The following GRIP1 variants were observed in gnomAD, a reference collection of about 807,000 sequenced individuals.
GRIP1 encodes glutamate receptor-interacting protein 1.
Under a neutral mutation model 129.9 loss-of-function variants are expected in GRIP1, and 45 were observed. The ratio of observed to expected loss-of-function variants is 0.35; its 90% CI spans 0.27 to 0.44. The LOEUF (loss-of-function observed/expected upper bound fraction) is 0.44, where lower values mean the gene tolerates loss of function less well. GRIP1 is among the 20% of genes least tolerant of loss of function. The pLI, the probability that GRIP1 is intolerant of heterozygous loss-of-function variation, is 1.00. For synonymous variants in GRIP1, 530 were observed against 520.8 expected (o/e 1.02, Z -0.24); for missense variants, 1,196 against 1,396.8 (o/e 0.86, Z 2.29).
intron 5 of GRIP1, among the ~76,000 whole-genome samples, chr12:66,527,940 A>T (rs1254839365): frequency 6.6e-6 from 1 of 151,948 alleles, no homozygotes; most frequent in Non-Finnish European, 1.5e-5. Flanking sequence ...CATGTAACAA[A>T]CCTGAACATG....
At chr12:66,528,189 C>A (rs1296334406) in intron 5 of GRIP1, among the ~76,000 whole-genome samples, 17 of 140,844 alleles carry the variant, frequency 1.2e-4, no homozygotes, top group African/African-American at 4.4e-4. Context: ...GGCTGGAGTG[C>A]AGTGGCACGA....
At chr12:66,469,424 G>T (rs1322765281) in intron 7 of GRIP1, among the ~76,000 whole-genome samples, 1 of 152,166 alleles carries the variant, frequency 6.6e-6, no homozygotes, top group African/African-American at 2.4e-5. Flanking sequence ...AGTGATTCTT[G>T]ATAACTATGT....
At chr12:66,507,988 G>T (rs2138847534) in intron 7 of GRIP1, among the ~76,000 whole-genome samples, 1 of 152,266 alleles carries the variant, frequency 6.6e-6, no homozygotes, top group South Asian at 2.1e-4. Flanking sequence ...AGTATCCTTG[G>T]TTTTGCATGC....
intron 1 of GRIP1, among the ~76,000 whole-genome samples, chr12:66,761,494 A>T (rs1199282504): frequency 6.6e-6 from 1 of 152,100 alleles, no homozygotes; most frequent in Admixed American, 6.5e-5. Context: ...TCCAGATCCC[A>T]CAAAGTCTCA....
intron 16 of GRIP1, among the ~76,000 whole-genome samples, chr12:66,399,373 C>T (rs1325168635): frequency 6.6e-6 from 1 of 151,866 alleles, no homozygotes; most frequent in African/African-American, 2.4e-5. Context: ...CTCCTAGATA[C>T]ACTCTCCTTG....
chr12:66,958,871 G>A (rs571937861), intron 1 of GRIP1, among the ~76,000 whole-genome samples: 13 of 152,182 alleles, frequency 8.5e-5, no homozygotes, highest in African/African-American at 2.6e-4. Flanking sequence ...TTACGAAAGG[G>A]GCTTCCAGAG....
chr12:66,444,330 C>A (rs1306862949), intron 13 of GRIP1, among the ~76,000 whole-genome samples: 1 of 150,370 alleles, frequency 6.7e-6, no homozygotes, highest in African/African-American at 2.5e-5. Flanking sequence ...ACTAAAAATA[C>A]AAAAAATTAG....
chr12:66,707,759 T>C (rs1178508048), intron 1 of GRIP1, among the ~76,000 whole-genome samples: 1 of 152,016 alleles, frequency 6.6e-6, no homozygotes, highest in Non-Finnish European at 1.5e-5. Context: ...CAATGCCCTG[T>C]AATGCTGCGT....
chr12:66,784,488 G>A (rs1053344741), intron 1 of GRIP1, among the ~76,000 whole-genome samples: 2 of 152,202 alleles, frequency 1.3e-5, no homozygotes, highest in African/African-American at 2.4e-5. Flanking sequence ...ACAGTTGGCA[G>A]GGGCTGAGTG....
intron 1 of GRIP1, among the ~76,000 whole-genome samples, chr12:66,610,632 T>A (rs2064753386): frequency 6.6e-6 from 1 of 152,140 alleles, no homozygotes; most frequent in South Asian, 2.1e-4. Context: ...GATTTCTACA[T>A]TTGAGATTGC....
chr12:67,021,829 A>G (rs2042871664), intron 1 of GRIP1, among the ~76,000 whole-genome samples: 1 of 152,062 alleles, frequency 6.6e-6, no homozygotes, highest in Non-Finnish European at 1.5e-5. Flanking sequence ...CCCAACCTCT[A>G]GTAACCACTA....
intron 1 of GRIP1, among the ~76,000 whole-genome samples, chr12:66,912,711 A>C (rs2041050461): frequency 6.6e-6 from 1 of 152,186 alleles, no homozygotes; most frequent in Non-Finnish European, 1.5e-5. Context: ...TATATCTTCA[A>C]TAAAATTTAA....
At chr12:66,361,642 C>T (rs2054774186) in intron 23 of GRIP1, among the ~76,000 whole-genome samples, 1 of 152,196 alleles carries the variant, frequency 6.6e-6, no homozygotes, top group Non-Finnish European at 1.5e-5. Context: ...CTTGCCCCAG[C>T]CACCACCAAG....
chr12:66,638,353 G>A (rs1179269634), intron 1 of GRIP1, among the ~76,000 whole-genome samples: 1 of 152,048 alleles, frequency 6.6e-6, no homozygotes, highest in East Asian at 1.9e-4. Flanking sequence ...ACCCTTGATA[G>A]GTATTACTTC....
Position 66,465,312 on chromosome 12 carries a change from C to A in GRIP1, c.835G>T (p.Val279Phe), listed in dbSNP as rs919054435. 2.5e-6 allele frequency: 4 copies of A among 1,613,870 alleles called. No individual in the cohort carries two copies. In the African/African-American group the frequency reaches 5.3e-5, roughly 22 times the overall value. ...CTTGCAGATTTGATTTTGTCTATGA[C>A]AATGACTTGTTTGTTACAGCACATC... ...TSMCCNKQVI[V>F]IDKIKSASIA... Residue 279 changes from valine to phenylalanine, a missense_variant, in exon 8 of 25, where the codon GTC becomes TTC. Coordinates refer to ENST00000359742, the MANE Select transcript of GRIP1 (RefSeq NM_001366722.1).
At chr12:66,701,463 C>T (rs2035351251) in intron 1 of GRIP1, among the ~76,000 whole-genome samples, 1 of 152,150 alleles carries the variant, frequency 6.6e-6, no homozygotes, top group Non-Finnish European at 1.5e-5. Context: ...TCTCCAAGAT[C>T]CTTTCTCCAG....
chr12:66,419,189 G>A (rs760775088), intron 15 of GRIP1, among the ~76,000 whole-genome samples: 7 of 152,088 alleles, frequency 4.6e-5, no homozygotes, highest in Non-Finnish European at 8.8e-5. Context: ...AAATAAACCA[G>A]GCACAGAAAT....
intron 2 of GRIP1, among the ~76,000 whole-genome samples, chr12:66,576,595 C>G (rs568901607): frequency 6.6e-6 from 1 of 152,304 alleles, no homozygotes; most frequent in South Asian, 2.1e-4. Flanking sequence ...TAGACTTGGA[C>G]AAGTTACCTA....
chr12:66,894,642 G>A (rs950945255), intron 1 of GRIP1, among the ~76,000 whole-genome samples: 1 of 151,982 alleles, frequency 6.6e-6, no homozygotes, highest in Non-Finnish European at 1.5e-5. Context: ...ATATGCCCAG[G>A]ACTGCCAAGG....
Sources: allele counts gnomAD v4.1 joint callset (sites outside exome capture counted in the v4.1 genomes callset), GRCh38; gene constraint gnomAD v4.1.1; transcripts MANE v1.5; gene names NCBI Gene and HGNC (gene_info 2026-07-23, HGNC 2026-07-21).